Variants in PDZD8 observed in about 807,000 individuals in gnomAD.
PDZD8 encodes PDZ domain containing 8.
PDZD8 carries 14 observed loss-of-function variants against 85.8 expected under a neutral mutation model. That is an observed-to-expected ratio of 0.16 (90% CI 0.11 to 0.26). The LOEUF is 0.26. Ranked by LOEUF, PDZD8 falls within the 10% of genes least tolerant of loss-of-function variation. The pLI is 1.00. For synonymous variants in PDZD8, 592 were observed against 568.6 expected (o/e 1.04, Z -0.59); for missense variants, 1,197 against 1,424.3 (o/e 0.84, Z 2.57).
intron 2 of PDZD8, among the ~76,000 whole-genome samples, chr10:117,327,420 C>A (rs1844337063): frequency 6.6e-6 from 1 of 152,170 alleles, no homozygotes. Context: ...CAAATAGATG[C>A]CAACAGACTA....
At chr10:117,314,332 A>G in intron 3 of PDZD8, 1 of 152,176 alleles carries the variant, frequency 6.6e-6, no homozygotes, top group East Asian at 1.9e-4. Context: ...AAGAAAAAAT[A>G]CCACTCAATT....
At chr10:117,367,326 G>A (rs535344403) in intron 1 of PDZD8, among the ~76,000 whole-genome samples, 138 of 152,086 alleles carry the variant, frequency 9.1e-4, no homozygotes, top group Admixed American at 1.8e-3. Flanking sequence ...CAGGAGAACT[G>A]CTTGAACCCG....
At chr10:117,346,661 C>A (rs561857981) in intron 1 of PDZD8, among the ~76,000 whole-genome samples, 28 of 152,040 alleles carry the variant, frequency 1.8e-4, no homozygotes, top group African/African-American at 5.1e-4. Flanking sequence ...ATGTAAATGC[C>A]AGCAGCTGTA....
intron 2 of PDZD8, among the ~76,000 whole-genome samples, chr10:117,331,728 T>C (rs924988462): frequency 2.0e-5 from 3 of 152,214 alleles, no homozygotes; most frequent in African/African-American, 7.2e-5. Flanking sequence ...TACTTAGTTT[T>C]CTTACATTCT....
At chr10:117,321,499 C>T (rs1844224593) in intron 2 of PDZD8, among the ~76,000 whole-genome samples, 2 of 152,004 alleles carry the variant, frequency 1.3e-5, no homozygotes, top group Admixed American at 1.3e-4. Context: ...GGAAAATGGG[C>T]ATTACTGATA....
At chr10:117,358,600 G>C (rs576871970) in intron 1 of PDZD8, among the ~76,000 whole-genome samples, 1 of 151,840 alleles carries the variant, frequency 6.6e-6, no homozygotes, top group Admixed American at 6.6e-5. Flanking sequence ...TCTTCTCCTG[G>C]GTTTTCATTT....
chr10:117,350,618 C>T (rs11498892), intron 1 of PDZD8, among the ~76,000 whole-genome samples: 76,030 of 150,414 alleles, frequency 0.51, 20,179 homozygotes, highest in African/African-American at 0.68. Flanking sequence ...AATAGAAATA[C>T]ATAGGCCGGG....
chr10:117,364,036 G>A (rs1365810806), intron 1 of PDZD8, among the ~76,000 whole-genome samples: 2 of 152,132 alleles, frequency 1.3e-5, no homozygotes, highest in African/African-American at 4.8e-5. Flanking sequence ...CTTCTGGAGT[G>A]TCAGAGAAGG....
intron 4 of PDZD8, 139 bp downstream of exon 4, chr10:117,290,047 A>G: frequency 1.5e-6 from 1 of 671,390 alleles, no homozygotes; most frequent in Non-Finnish European, 2.2e-6. Context: ...ATTTATAATA[A>G]AGTTTATTAC....
At chr10:117,300,829 A>T (rs1843835021) in intron 3 of PDZD8, among the ~76,000 whole-genome samples, 1 of 152,176 alleles carries the variant, frequency 6.6e-6, no homozygotes, top group South Asian at 2.1e-4. Context: ...ACAGCCAGCT[A>T]TGAATCAAGA....
intron 2 of PDZD8, among the ~76,000 whole-genome samples, chr10:117,328,745 T>C (rs1045788057): frequency 3.9e-5 from 6 of 152,226 alleles, no homozygotes; most frequent in Admixed American, 6.5e-5. Flanking sequence ...CAGTGGGAGT[T>C]TTCATTCTAT....
chr10:117,283,672 G>C lies in PDZD8; in HGVS notation c.3061C>G (p.Arg1021Gly). ...GTAGGCAAGCCCCTGTACAGATCACGACCAATTTCTTTAACTGCAATGAAA... is the reference window on the plus strand; with the variant it reads ...GTAGGCAAGCCCCTGTACAGATCACCACCAATTTCTTTAACTGCAATGAAA... ...SVFIAVKEIG[R>G]DLYRGLPTEE... The change falls in exon 5 of 5, where the codon CGT (arginine) becomes GGT (glycine). Residue 1021 changes from arginine to glycine, a missense_variant. Transcript: ENST00000334464. The C allele has an allele frequency of 6.2e-7, 1 of 1,614,100 alleles. No individual in the cohort carries two copies. The highest frequency in any genetic ancestry group is 8.5e-7 in the Non-Finnish European group (1 of 1,180,028).
intron 3 of PDZD8, among the ~76,000 whole-genome samples, chr10:117,299,588 C>G (rs1843811812): frequency 6.6e-6 from 1 of 152,072 alleles, no homozygotes; most frequent in Admixed American, 6.6e-5. Context: ...GTTCTTTCTT[C>G]TACTTATTGT....
At chr10:117,301,485 G>A (rs1843846567) in intron 3 of PDZD8, among the ~76,000 whole-genome samples, 1 of 152,146 alleles carries the variant, frequency 6.6e-6, no homozygotes, top group South Asian at 2.1e-4. Flanking sequence ...ATAAGTTACT[G>A]AGCTGTTTGC....
intron 4 of PDZD8, among the ~76,000 whole-genome samples, chr10:117,287,311 A>G (rs1037857649): frequency 6.6e-6 from 1 of 152,006 alleles, no homozygotes; most frequent in African/African-American, 2.4e-5. Flanking sequence ...CCTGCACCTT[A>G]TATGCAACTG....
chr10:117,365,550 G>A (rs1419821233), intron 1 of PDZD8, among the ~76,000 whole-genome samples: 1 of 151,910 alleles, frequency 6.6e-6, no homozygotes, highest in African/African-American at 2.4e-5. Flanking sequence ...CATTTGAAAG[G>A]GAAAAGAATA....
intron 1 of PDZD8, among the ~76,000 whole-genome samples, chr10:117,359,721 A>C (rs1248970990): frequency 6.6e-6 from 1 of 152,160 alleles, no homozygotes; most frequent in Non-Finnish European, 1.5e-5. Flanking sequence ...AAAAACAAAA[A>C]CAACAAACAA....
At chr10:117,369,273 C>A (rs1200803057) in intron 1 of PDZD8, among the ~76,000 whole-genome samples, 1 of 152,046 alleles carries the variant, frequency 6.6e-6, no homozygotes, top group Non-Finnish European at 1.5e-5. Flanking sequence ...ATTCTCCTGC[C>A]TCAGCCTCCT....
intron 3 of PDZD8, among the ~76,000 whole-genome samples, chr10:117,305,495 C>G (rs1178853650): frequency 6.7e-6 from 1 of 148,498 alleles, no homozygotes; most frequent in East Asian, 1.9e-4. Context: ...CACACACACA[C>G]ACACACACAC....
Sources: allele counts gnomAD v4.1 joint callset (sites outside exome capture counted in the v4.1 genomes callset), GRCh38; gene constraint gnomAD v4.1.1; transcripts MANE v1.5; gene names NCBI Gene and HGNC (gene_info 2026-07-23, HGNC 2026-07-21).